Variants in ZC3H13 observed in about 807,000 individuals in gnomAD.
ZC3H13 encodes the protein zinc finger CCCH domain-containing protein 13.
In ZC3H13, 64 loss-of-function variants were observed where a neutral mutation model predicts 204.1. The observed-to-expected ratio is 0.31, with a 90% CI of 0.26 to 0.39. The LOEUF (loss-of-function observed/expected upper bound fraction) is 0.39, where lower values mean the gene tolerates loss of function less well. Ranked by LOEUF, ZC3H13 falls within the 10% of genes least tolerant of loss-of-function variation. The pLI is 1.00. For synonymous variants in ZC3H13, 667 were observed against 693.7 expected, an observed-to-expected ratio of 0.96 and a Z score of 0.60; for missense variants, 1,833 against 2,082.7, an observed-to-expected ratio of 0.88 and a Z score of 2.33.
chr13:45,975,747 C>G lies in ZC3H13; in HGVS notation c.2004G>C (p.Val668=). The G allele has an allele frequency of 1.9e-6, 3 of 1,613,900 alleles. No individual in the cohort carries two copies. Among genetic ancestry groups the G allele is most frequent in the Non-Finnish European group, 2.5e-6 (3 of 1,179,906 alleles). ...TAGCCCTTTCATCTCTCCTATCATCCACTCTGTCTACTCTTCGTTCCTCTC... is the reference window on the plus strand; with the variant it reads ...TAGCCCTTTCATCTCTCCTATCATCGACTCTGTCTACTCTTCGTTCCTCTC... ...ERREERRVDR[V]DDRRDERARE... is the part of the protein sequence containing the mutation. Residue 668 remains valine, a synonymous_variant, in exon 12 of 19, where the codon GTG becomes GTC. Transcript: ENST00000679008.
intron 15 of ZC3H13, 76 bp from the exon 16 acceptor site, chr13:45,965,508 G>A (rs112419548): frequency 2.1e-6 from 3 of 1,462,668 alleles, no homozygotes. Context: ...AAAAGGTAGA[G>A]GGTACACACA....
chr13:46,031,392 T>A (rs560150145), intron 4 of ZC3H13, among the ~76,000 whole-genome samples: 1 of 152,058 alleles, frequency 6.6e-6, no homozygotes, highest in East Asian at 1.9e-4. Context: ...GGCAATGACA[T>A]CTTAGACACA....
At chr13:45,972,348 CT>C (rs1379510408) in intron 12 of ZC3H13, among the ~76,000 whole-genome samples, 1 of 152,072 alleles carries the variant, frequency 6.6e-6, no homozygotes, top group Admixed American at 6.6e-5. Flanking sequence ...AAAATAATGT[CT>C]TTTGCAGCAA....
At chr13:46,008,753 C>G (rs1470330928) in intron 7 of ZC3H13, among the ~76,000 whole-genome samples, 1 of 152,168 alleles carries the variant, frequency 6.6e-6, no homozygotes, top group African/African-American at 2.4e-5. Flanking sequence ...TGAAGTGGAG[C>G]GTATCACTCT....
chr13:46,004,817 T>C (rs372491283), intron 7 of ZC3H13, among the ~76,000 whole-genome samples: 131 of 152,326 alleles, frequency 8.6e-4, no homozygotes, highest in African/African-American at 2.9e-3. Flanking sequence ...TTTTGTAATT[T>C]TGCCTTTCAC....
At chr13:45,984,463 G>A (rs2138180641) in intron 10 of ZC3H13, among the ~76,000 whole-genome samples, 1 of 152,144 alleles carries the variant, frequency 6.6e-6, no homozygotes, top group East Asian at 1.9e-4. Context: ...AAATATTAAT[G>A]AGAAATATTA....
intron 8 of ZC3H13, chr13:46,001,534 G>A (rs2040742942): frequency 1.3e-5 from 2 of 152,212 alleles, no homozygotes; most frequent in African/African-American, 2.4e-5. Flanking sequence ...TAAATAACAG[G>A]TGAGTCCTAT....
chr13:46,006,204 G>A (rs1025187728), intron 7 of ZC3H13, among the ~76,000 whole-genome samples: 5 of 151,822 alleles, frequency 3.3e-5, no homozygotes, highest in Middle Eastern at 6.8e-3. Context: ...CGACTCCCTC[G>A]GATTTCATCT....
At chr13:46,038,744 C>A (rs2043370044) in intron 4 of ZC3H13, among the ~76,000 whole-genome samples, 1 of 152,064 alleles carries the variant, frequency 6.6e-6, no homozygotes, top group African/African-American at 2.4e-5. Context: ...ATAATTAATA[C>A]CTTGCTGGTG....
intron 1 of ZC3H13, among the ~76,000 whole-genome samples, chr13:46,047,509 T>A (rs867555829): frequency 5.3e-5 from 8 of 152,194 alleles, no homozygotes; most frequent in African/African-American, 1.9e-4. Context: ...AATCTTTGAT[T>A]TAATTTTTCT....
intron 4 of ZC3H13, among the ~76,000 whole-genome samples, chr13:46,030,907 A>G (rs1292421083): frequency 6.6e-6 from 1 of 152,202 alleles, no homozygotes; most frequent in Non-Finnish European, 1.5e-5. Flanking sequence ...ATCCCCACCA[A>G]AAAACCCCAG....
chr13:46,042,177 G>A lies in ZC3H13; in HGVS notation c.326C>T (p.Ser109Phe), dbSNP rs1453685959. 6.2e-7 allele frequency: 1 copy of A among 1,612,964 alleles called. No individual in the cohort carries two copies. Among genetic ancestry groups the A allele is most frequent in the South Asian group, 1.1e-5 (1 of 91,040 alleles). Residue 109 changes from serine to phenylalanine, a missense_variant, in exon 4 of 19, where the codon TCC (serine) becomes TTC (phenylalanine). This residue lies in a region of ZC3H13 where 1,574 missense variants were observed against 1,757.2 expected (regional missense o/e 0.90). Coordinates refer to ENST00000679008, the MANE Select transcript of ZC3H13 (RefSeq NM_001330564.2). ...ATTCAATCCTACCCTAACAGGTGAG[G>A]ATGACTCCTCTGTATTTCGTTTCTG... Reference protein sequence around the residue: ...EPQKRNTEESSSPVRKESSRG... With the variant: ...EPQKRNTEESFSPVRKESSRG...
chr13:46,007,688 T>C (rs2041249968), intron 7 of ZC3H13, among the ~76,000 whole-genome samples: 1 of 152,166 alleles, frequency 6.6e-6, no homozygotes, highest in Non-Finnish European at 1.5e-5. Context: ...ACTGGTTTTG[T>C]GTATTCTGAA....
At chr13:45,992,057 C>T (rs1355144133) in intron 8 of ZC3H13, among the ~76,000 whole-genome samples, 1 of 152,064 alleles carries the variant, frequency 6.6e-6, no homozygotes, top group Non-Finnish European at 1.5e-5. Context: ...TTACATAATG[C>T]ACTAACATTC....
Position 45,975,404 on chromosome 13 carries a change from C to G in ZC3H13, c.2347G>C (p.Glu783Gln). The G allele has an allele frequency of 6.2e-7, 1 of 1,614,028 alleles. No individual in the cohort carries two copies. Among genetic ancestry groups the G allele is most frequent in the Non-Finnish European group, 8.5e-7 (1 of 1,180,000 alleles). The part of the protein sequence containing the change: ...ERERARERDK[E>Q]RERQRDWEDK... ...TCCCAATCCCTTTGGCGTTCTCGTT[C>G]TTTATCCCTTTCTCTCGCTCTTTCT... The change falls in exon 12 of 19, where the codon GAA becomes CAA. Residue 783 changes from glutamate to glutamine, a missense_variant. Physicochemically the swap from Glu to Gln is conservative, Grantham distance 29. Coordinates refer to ENST00000679008, the MANE Select transcript of ZC3H13 (RefSeq NM_001330564.2).
chr13:45,978,853 C>A (rs780190702), intron 11 of ZC3H13, among the ~76,000 whole-genome samples: 7 of 152,056 alleles, frequency 4.6e-5, no homozygotes, highest in Non-Finnish European at 1.0e-4. Flanking sequence ...TAAGGAAATT[C>A]TACACATCTT....
At position 45,956,947 on chromosome 13, in the gene ZC3H13, G is replaced by A. The variant is rs536373750; in HGVS notation, c.*180C>T. 9.1e-5 allele frequency: 41 copies of A among 452,568 alleles called. No homozygotes were observed. In the South Asian group the frequency reaches 2.1e-3, roughly 24 times the overall value. The allele number at this position is 452,568 out of a possible 1,614,324, so 28.0% of individuals were successfully genotyped here. A position where few individuals can be genotyped will look rare whatever the true frequency, so the allele number is the denominator to read the frequency against. On this transcript the variant is annotated 3_prime_UTR_variant, in exon 19 of 19. Transcript: ENST00000679008. Reference sequence around the variant, plus strand: ...TGTCAAATACTATGTAAAAATTAACGTAAAATCTTAAGTTGGCCAAAACTA... The same window carrying A: ...TGTCAAATACTATGTAAAAATTAACATAAAATCTTAAGTTGGCCAAAACTA...
chr13:46,023,336 T>C (rs573947260), intron 4 of ZC3H13, among the ~76,000 whole-genome samples: 12 of 152,298 alleles, frequency 7.9e-5, no homozygotes, highest in East Asian at 1.9e-4. Context: ...CTTATGCCCA[T>C]TGCATCTTTC....
At chr13:45,990,006 A>G (rs1020407738) in intron 8 of ZC3H13, among the ~76,000 whole-genome samples, 5 of 152,250 alleles carry the variant, frequency 3.3e-5, no homozygotes, top group Admixed American at 2.6e-4. Flanking sequence ...TTCTGTAATT[A>G]TCTTCAGTGT....
Sources: allele counts gnomAD v4.1 joint callset (sites outside exome capture counted in the v4.1 genomes callset), GRCh38; gene constraint gnomAD v4.1.1; regional missense constraint gnomAD v4.1.1; transcripts MANE v1.5; gene names NCBI Gene and HGNC (gene_info 2026-07-23, HGNC 2026-07-21).